STARD13: variants seen among roughly 807,000 people sequenced by gnomAD.
STARD13 encodes the protein stAR-related lipid transfer protein 13.
A neutral mutation model predicts 106.4 loss-of-function variants in STARD13; 62 were observed. The ratio of observed to expected loss-of-function variants is 0.58; its 90% CI spans 0.48 to 0.72. The LOEUF is 0.72. Among genes scored for constraint, STARD13 ranks in the 30% least tolerant of loss-of-function variants. The pLI, the probability that STARD13 is intolerant of heterozygous loss-of-function variation, is 0.00. For synonymous variants in STARD13, 565 were observed against 553.0 expected, an observed-to-expected ratio of 1.02 and a Z score of -0.31; for missense variants, 1,387 against 1,424.0, an observed-to-expected ratio of 0.97 and a Z score of 0.42.
At chr13:33,181,778 G>A (rs1885259087) in intron 1 of STARD13, among the ~76,000 whole-genome samples, 1 of 152,158 alleles carries the variant, frequency 6.6e-6, no homozygotes, top group Admixed American at 6.5e-5. Flanking sequence ...ATTTGACATT[G>A]TCCTGGCACT....
intron 1 of STARD13, among the ~76,000 whole-genome samples, chr13:33,319,268 T>G (rs144375807): frequency 1.3e-5 from 2 of 152,160 alleles, no homozygotes; most frequent in Non-Finnish European, 2.9e-5. Context: ...CTTGAAAACA[T>G]GCTAAGTGAA....
chr13:33,557,147 C>T, the STARD13 span, among the ~76,000 whole-genome samples: 3 of 152,040 alleles, frequency 2.0e-5, no homozygotes, highest in Admixed American at 1.3e-4. Flanking sequence ...CTCCTTTAAC[C>T]CCTTAGATTG....
chr13:33,647,795 G>A, the STARD13 span, among the ~76,000 whole-genome samples: 7 of 152,162 alleles, frequency 4.6e-5, no homozygotes, highest in South Asian at 6.2e-4. Flanking sequence ...TGACACATGC[G>A]GAAAATAAGC....
chr13:33,285,534 T>C lies in STARD13; in HGVS notation c.105A>G (p.Arg35=). 6.2e-7 allele frequency: 1 copy of C among 1,614,030 alleles called. No homozygotes were observed. The highest frequency in any genetic ancestry group is 8.5e-7 in the Non-Finnish European group (1 of 1,179,932). Residue 35 remains arginine (R), a synonymous_variant, in exon 1 of 14, where the codon AGA becomes AGG. Coordinates refer to ENST00000336934, the MANE Select transcript of STARD13 (RefSeq NM_178006.4). ...EMYLRFDQTT[R]RSPYRMSRIL... is the part of the protein sequence containing the mutation. ...TCCGGCTCATCCTGTAAGGAGAGCG[T>C]CTTGTAGTCTGATCAAATCGCAAGT...
the STARD13 span, among the ~76,000 whole-genome samples, chr13:33,670,607 C>T: frequency 0.046 from 6,998 of 152,190 alleles, 542 homozygotes; most frequent in African/African-American, 0.16. Context: ...TTGATGCTGT[C>T]GTCACATAAG....
At chr13:33,560,944 G>T in the STARD13 span, among the ~76,000 whole-genome samples, 1 of 151,284 alleles carries the variant, frequency 6.6e-6, no homozygotes, top group Non-Finnish European at 1.5e-5. Context: ...ACATTCTTTG[G>T]ACTGATGATG....
chr13:33,491,816 C>T, the STARD13 span, among the ~76,000 whole-genome samples: 1 of 152,190 alleles, frequency 6.6e-6, no homozygotes, highest in African/African-American at 2.4e-5. Flanking sequence ...TCTGAGGAAC[C>T]TAAATGCAAG....
At position 33,282,364 on chromosome 13, in the gene STARD13, T is replaced by C. The variant is rs573291469; in HGVS notation, c.169+3106A>G. Among the ~76,000 whole-genome samples the C allele has an allele frequency of 1.4e-3, 217 of 152,318 alleles. 1 individual carries two copies. Among genetic ancestry groups the C allele is most frequent in the African/African-American group, 4.9e-3 (203 of 41,572 alleles). On this transcript the variant is annotated intron_variant, in intron 1 of 13. Coordinates refer to ENST00000336934, the MANE Select transcript of STARD13 (RefSeq NM_178006.4). ...GTACCCTAAGATGAGCAAGTTTAGA[T>C]TCATCCTGGGTTTGGATAATGAATT...
At chr13:33,600,429 GAAGA>G in the STARD13 span, among the ~76,000 whole-genome samples, 1 of 152,140 alleles carries the variant, frequency 6.6e-6, no homozygotes, top group Non-Finnish European at 1.5e-5. Context: ...TGGTTATATA[GAAGA>G]AAGTGTTAAC....
the STARD13 span, among the ~76,000 whole-genome samples, chr13:33,571,130 G>A: frequency 6.6e-6 from 1 of 152,008 alleles, no homozygotes; most frequent in Non-Finnish European, 1.5e-5. Context: ...GAATTTACTG[G>A]GCATGTGTCA....
intron 1 of STARD13, among the ~76,000 whole-genome samples, chr13:33,183,174 T>C (rs1885412262): frequency 6.6e-6 from 1 of 152,252 alleles, no homozygotes; most frequent in Non-Finnish European, 1.5e-5. Context: ...GAAATGTTCT[T>C]GTTACACATC....
At chr13:33,456,922 C>T in the STARD13 span, among the ~76,000 whole-genome samples, 5 of 152,344 alleles carry the variant, frequency 3.3e-5, no homozygotes, top group African/African-American at 1.2e-4. Flanking sequence ...GAAGCAGAAA[C>T]TGTAAGGTTC....
At chr13:33,377,779 G>A in the STARD13 span, among the ~76,000 whole-genome samples, 1 of 152,144 alleles carries the variant, frequency 6.6e-6, no homozygotes, top group African/African-American at 2.4e-5. Context: ...CACCTTCTGG[G>A]TTATAATGTA....
chr13:33,360,445 C>A, the STARD13 span, among the ~76,000 whole-genome samples: 2 of 151,702 alleles, frequency 1.3e-5, no homozygotes, highest in African/African-American at 4.8e-5. Context: ...ACCTTGTGAT[C>A]CACACACCTC....
intron 2 of STARD13, 146 bp downstream of exon 2, chr13:33,167,405 G>A: frequency 1.4e-6 from 1 of 697,372 alleles, no homozygotes; most frequent in Non-Finnish European, 2.4e-6. Context: ...GATAACCCCT[G>A]GGCATAGCAA....
chr13:33,116,929 G>T (rs1318027109), intron 8 of STARD13, among the ~76,000 whole-genome samples: 1 of 152,120 alleles, frequency 6.6e-6, no homozygotes, highest in Non-Finnish European at 1.5e-5. Context: ...CTATAGCATG[G>T]ATATTCTTCA....
At chr13:33,316,157 C>T (rs1893325584) in intron 1 of STARD13, among the ~76,000 whole-genome samples, 1 of 152,214 alleles carries the variant, frequency 6.6e-6, no homozygotes, top group Non-Finnish European at 1.5e-5. Context: ...TACCTTCTGC[C>T]TTCCTCTCCA....
the STARD13 span, among the ~76,000 whole-genome samples, chr13:33,631,614 TAGA>T: frequency 1.3e-5 from 2 of 152,224 alleles, no homozygotes; most frequent in African/African-American, 2.4e-5. Flanking sequence ...GGGAATAACC[TAGA>T]AGATTTGTGT....
chr13:33,169,682 A>G (rs914519782), intron 1 of STARD13, among the ~76,000 whole-genome samples: 22 of 152,322 alleles, frequency 1.4e-4, no homozygotes, highest in African/African-American at 5.1e-4. Context: ...AGTGTTCAGC[A>G]AGACAGTCCC....
Sources: gnomAD v4.1 joint callset for allele counts (sites outside exome capture counted in the v4.1 genomes callset) on GRCh38, gnomAD v4.1.1 for gene constraint, MANE v1.5 for transcripts, NCBI Gene and HGNC (gene_info 2026-07-23, HGNC 2026-07-21) for gene names.